The following CUBN variants were observed in gnomAD, a reference collection of about 807,000 sequenced individuals.
The protein encoded by CUBN is 460 kDa receptor.
CUBN carries 282 observed loss-of-function variants against 405.3 expected under a neutral mutation model. The observed-to-expected ratio is 0.70, with a 90% CI of 0.63 to 0.77. CUBN has a LOEUF of 0.77. Ranked by LOEUF, CUBN falls within the 30% of genes least tolerant of loss-of-function variation. The probability of loss-of-function intolerance (pLI) is 0.00; values close to 1 mark genes in which losing one functional copy is unlikely to be tolerated. For synonymous variants in CUBN, 1,684 were observed against 1,617.0 expected (o/e 1.04, Z -0.99); for missense variants, 4,514 against 4,475.2 (o/e 1.01, Z -0.25).
chr10:16,989,546 TACA>T (rs910603735), intron 29 of CUBN, among the ~76,000 whole-genome samples: 1 of 145,646 alleles, frequency 6.9e-6, no homozygotes, highest in Non-Finnish European at 1.5e-5. Flanking sequence ...TTTTATAAAC[TACA>T]ACAAAATATT....
Position 17,123,825 on chromosome 10 carries a change from G to A in CUBN, c.388-136C>T. ...TCTACACTTTAAAGCCATTACTTAT[G>A]TTCTTCTTCAAATCACCTCTCTTGT... On this transcript the variant is annotated intron_variant, in intron 4 of 66. Coordinates refer to ENST00000377833, the MANE Select transcript of CUBN (RefSeq NM_001081.4). 4 of 654,960 alleles carry A rather than the reference G, an allele frequency of 6.1e-6. No individual in the cohort carries two copies. The South Asian group carries it at 7.1e-5, about 12-fold the overall frequency. The allele number at this position is 654,960 out of a possible 1,614,324, so 40.6% of individuals were successfully genotyped here.
intron 43 of CUBN, among the ~76,000 whole-genome samples, chr10:16,924,621 A>T (rs1212741198): frequency 6.6e-6 from 1 of 152,060 alleles, no homozygotes; most frequent in Admixed American, 6.6e-5. Context: ...TTCTACTGAC[A>T]TTACTCCCTT....
chr10:16,982,406 A>G, intron 31 of CUBN, 78 bp downstream of exon 31: 1 of 1,286,952 alleles, frequency 7.8e-7, no homozygotes. Flanking sequence ...TAAGTAATAC[A>G]TTCACTAAAT....
At chr10:17,116,891 A>C (rs887558346) in intron 6 of CUBN, among the ~76,000 whole-genome samples, 1 of 152,182 alleles carries the variant, frequency 6.6e-6, no homozygotes, top group East Asian at 1.9e-4. Context: ...AGACTTAGCA[A>C]ATAAAAATAC....
At chr10:16,988,741 T>TTGCACCC (rs1196775258) in intron 29 of CUBN, among the ~76,000 whole-genome samples, 6 of 152,156 alleles carry the variant, frequency 3.9e-5, no homozygotes, top group African/African-American at 1.4e-4. Flanking sequence ...TATCGACCCC[T>TTGCACCC]TGCACCCTGC....
In CUBN at chr10:16,918,900, AT is replaced by A. The variant is rs1588649685; in HGVS notation, c.6822-101del. ...TCTTTGAAGATATTATTAAATCATC[AT>A]TTCTTAGCATAAAAAACTATGATAG... On this transcript the variant is annotated intron_variant, in intron 44 of 66. Transcript: ENST00000377833. The A allele has an allele frequency of 4.2e-5, 46 of 1,087,000 alleles. 1 individual carries two copies. In the East Asian group the frequency reaches 1.2e-3, roughly 28 times the overall value. 67.3% of individuals were successfully genotyped at this position (1,087,000 alleles called of 1,614,324 possible).
chr10:17,032,929 G>A (rs188804980), intron 27 of CUBN, among the ~76,000 whole-genome samples: 4 of 152,078 alleles, frequency 2.6e-5, no homozygotes, highest in Middle Eastern at 3.4e-3. Flanking sequence ...TCTGTCAATT[G>A]TACCTCCTAA....
At chr10:16,970,395 T>C (rs1843517686) in intron 31 of CUBN, among the ~76,000 whole-genome samples, 1 of 152,076 alleles carries the variant, frequency 6.6e-6, no homozygotes, top group African/African-American at 2.4e-5. Flanking sequence ...GCCAACATGG[T>C]GAAACCCCAT....
At chr10:17,122,989 T>C in intron 5 of CUBN, 91 bp from the exon 6 acceptor site, 1 of 864,544 alleles carries the variant, frequency 1.2e-6, no homozygotes, top group South Asian at 1.3e-5. Context: ...GATTTATACG[T>C]GGACAGTATA....
intron 40 of CUBN, among the ~76,000 whole-genome samples, chr10:16,928,532 C>CCCCCTT (rs1403918589): frequency 3.1e-4 from 33 of 107,086 alleles, no homozygotes; most frequent in African/African-American, 5.7e-4. Flanking sequence ...CCACCCCCCC[C>CCCCCTT]TTTTTTTTTT....
chr10:17,068,238 C>T lies in CUBN; in HGVS notation c.2834G>A (p.Ser945Asn), dbSNP rs371255463. Residue 945 changes from serine to asparagine, a missense_variant, in exon 21 of 67, where the codon AGT (serine) becomes AAT (asparagine). By Grantham distance (46) the Ser-to-Asn change is conservative (BLOSUM62 1). Around this residue, in one of 5 missense-constraint regions of CUBN, gnomAD observed 1,448 missense variants for 1,388.0 expected, o/e 1.04. Transcript: ENST00000377833. ...ILTESTGTIQ[S>N]PGHPNVYPHG... The stretch of plus-strand genomic sequence containing the variant: ...GGGGTAGACATTTGGATGGCCAGGA[C>T]TTTGAATGGTCCCTGTTGATTCTGT... 2 of 1,613,676 alleles carry T rather than the reference C, an allele frequency of 1.2e-6. No individual in the cohort carries two copies. The highest frequency in any genetic ancestry group is 1.1e-5 in the South Asian group (1 of 91,070).
At chr10:17,000,888 T>G (rs1334221904) in intron 28 of CUBN, among the ~76,000 whole-genome samples, 3 of 152,246 alleles carry the variant, frequency 2.0e-5, no homozygotes, top group Non-Finnish European at 4.4e-5. Flanking sequence ...TGTTCGGAAT[T>G]GGTTTCTTCC....
Position 16,906,223 on chromosome 10 carries a change from T to A in CUBN, c.7892A>T (p.Asp2631Val), listed in dbSNP as rs780539591. 5.0e-6 allele frequency: 8 copies of A among 1,613,598 alleles called. No individual in the cohort carries two copies. Among genetic ancestry groups the A allele is most frequent in the Non-Finnish European group, 5.9e-6 (7 of 1,179,464 alleles). Residue 2631 changes from aspartate to valine, a missense_variant, in exon 50 of 67, where the codon GAT becomes GTT. By Grantham distance (152) the Asp-to-Val change is radical. Around this residue, in one of 5 missense-constraint regions of CUBN, gnomAD observed 25 missense variants for 48.5 expected, o/e 0.52. Transcript: ENST00000377833. ...YLESHQDCQF[D>V]VLEFRVGDAD... ...CTCACCCACTCGAAACTCGAGGACA[T>A]CAAATTGACAGTCTTGGTGACTTTC...
Position 17,112,119 on chromosome 10 carries a change from T to C in CUBN, c.884-1069A>G, listed in dbSNP as rs191141848. ...TAGTGGTTCCCATTGTATTCAATGGTTGTAGATTTATAATTCAAATTATTA... is the reference window on the plus strand; with the variant it reads ...TAGTGGTTCCCATTGTATTCAATGGCTGTAGATTTATAATTCAAATTATTA... On this transcript the variant is annotated intron_variant, in intron 8 of 66. Transcript: ENST00000377833. Among the ~76,000 whole-genome samples the C allele has an allele frequency of 5.9e-5, 9 of 152,294 alleles. No homozygotes were observed. In the East Asian group the frequency reaches 1.5e-3, roughly 26 times the overall value.
chr10:17,005,274 C>T (rs1013185716), intron 28 of CUBN, among the ~76,000 whole-genome samples: 1 of 152,132 alleles, frequency 6.6e-6, no homozygotes, highest in South Asian at 2.1e-4. Flanking sequence ...TATCAGCCCC[C>T]TAAGGAGATT....
rs1482998267 is a variant in CUBN, at chr10:17,114,014, C to T, written c.883+13G>A. ...TGGCATGCAGAGCCTGGCTTGTGGCCCTGAGAATGTACCTGTTGGACAGGC... is the reference window on the plus strand; with the variant it reads ...TGGCATGCAGAGCCTGGCTTGTGGCTCTGAGAATGTACCTGTTGGACAGGC... On this transcript the variant is annotated intron_variant, in intron 8 of 66. Coordinates refer to ENST00000377833, the MANE Select transcript of CUBN (RefSeq NM_001081.4). 2 of 1,610,774 alleles carry T rather than the reference C, an allele frequency of 1.2e-6. No homozygotes were observed. The highest frequency in any genetic ancestry group is 2.2e-5 in the East Asian group (1 of 44,742).
rs758053423 is a variant in CUBN at position 16,876,875 on chromosome 10, C to T, written c.9106+22G>A. The T allele has an allele frequency of 1.0e-5, 16 of 1,603,326 alleles. No individual in the cohort carries two copies. The African/African-American group carries it at 1.5e-4, about 15-fold the overall frequency. ...ACTCAGAAAAGAAGAAAATTCCAAA[C>T]TCTGTCATTATGGCTACTCACAGAT... On this transcript the variant is annotated intron_variant, in intron 57 of 66. Coordinates refer to ENST00000377833, the MANE Select transcript of CUBN (RefSeq NM_001081.4).
intron 14 of CUBN, among the ~76,000 whole-genome samples, chr10:17,096,014 G>T (rs1836366573): frequency 6.6e-6 from 1 of 152,074 alleles, no homozygotes; most frequent in Non-Finnish European, 1.5e-5. Context: ...GAGACATGCT[G>T]AGTGAAATAA....
chr10:17,047,663 A>G, intron 22 of CUBN, 60 bp from the exon 23 acceptor site: 1 of 1,395,522 alleles, frequency 7.2e-7, no homozygotes, highest in Non-Finnish European at 1.0e-6. Context: ...TTTATAATAC[A>G]TCCAGTAATA....
Sources: allele counts gnomAD v4.1 joint callset (sites outside exome capture counted in the v4.1 genomes callset), GRCh38; gene constraint gnomAD v4.1.1; regional missense constraint gnomAD v4.1.1; transcripts MANE v1.5; gene names NCBI Gene and HGNC (gene_info 2026-07-23, HGNC 2026-07-21).